TM9SF2: variants seen among roughly 807,000 people sequenced by gnomAD.
TM9SF2 encodes the protein transmembrane 9 superfamily member 2, also known as 76 kDa membrane protein.
A neutral mutation model predicts 84.9 loss-of-function variants in TM9SF2; 13 were observed. The ratio of observed to expected loss-of-function variants is 0.15; its 90% confidence interval spans 0.10 to 0.24. The LOEUF (loss-of-function observed/expected upper bound fraction) is 0.24, where lower values mean the gene tolerates loss of function less well. TM9SF2 is among the 10% of genes least tolerant of loss of function. The pLI is 1.00. For missense variants in TM9SF2, 562 were observed against 818.5 expected (o/e 0.69, Z 3.82); for synonymous variants, 273 against 285.8 (o/e 0.96, Z 0.45).
chr13:99,512,662 T>C, intron 1 of TM9SF2, among the ~76,000 whole-genome samples: 1 of 152,250 alleles, frequency 6.6e-6, no homozygotes, highest in East Asian at 1.9e-4. Flanking sequence ...AAAGAAGTTT[T>C]CCTGGTCTCT....
In TM9SF2 at chr13:99,501,891, G is replaced by T. The variant is rs2046067797; in HGVS notation, c.171+114G>T. ...GGAAGGGGGCGTAGCAGCGGGTGGG[G>T]TTGAGTTTCCCCAGAAGCTTTTGGG... On this transcript the variant is annotated intron_variant, in intron 1 of 16. Transcript: ENST00000376387. 2.1e-6 allele frequency: 3 copies of T among 1,428,342 alleles called. No homozygotes were observed. In the Admixed American group the frequency reaches 8.0e-5, roughly 38 times the overall value. 88.5% of individuals were successfully genotyped at this position (1,428,342 alleles called of 1,614,324 possible).
Position 99,552,729 on chromosome 13 carries a change from G to A in TM9SF2, c.1488+403G>A, listed in dbSNP as rs544633275. On this transcript the variant is annotated intron_variant, in intron 13 of 16. Transcript: ENST00000376387. The stretch of plus-strand genomic sequence containing the variant: ...AGCGATTTTCCTGCCTCAGCCTCCC[G>A]AGTAGCTGGGATTACAGGCATGTGC... Among the ~76,000 whole-genome samples, 65 of 152,214 alleles carry A rather than the reference G, an allele frequency of 4.3e-4. 2 individuals carry two copies. The highest frequency in any genetic ancestry group is 3.4e-3 in the Middle Eastern group (1 of 294).
chr13:99,555,470 GATTGTGTTATGT>G (rs1320327630), intron 14 of TM9SF2, 54 bp from the exon 15 acceptor site: 3 of 1,200,592 alleles, frequency 2.5e-6, no homozygotes, highest in Non-Finnish European at 3.6e-6. Context: ...AGAATGAAAA[GATTGTGTTATGT>G]ATTGTGTCAA....
chr13:99,531,398 C>A (rs900368647), intron 4 of TM9SF2, among the ~76,000 whole-genome samples: 1 of 152,128 alleles, frequency 6.6e-6, no homozygotes, highest in South Asian at 2.1e-4. Flanking sequence ...TTTGCTCACG[C>A]CAATAAGGTT....
At chr13:99,536,873 C>A in intron 5 of TM9SF2, 136 bp downstream of exon 5, 1 of 891,478 alleles carries the variant, frequency 1.1e-6, no homozygotes, top group Non-Finnish European at 1.6e-6. Context: ...CTACTTCAAT[C>A]TTAAACTTAC....
At position 99,562,812 on chromosome 13, in the gene TM9SF2, A is replaced by G; in HGVS notation, c.*54A>G. 1 of 1,561,364 alleles carries G rather than the reference A, an allele frequency of 6.4e-7. No homozygotes were observed. Among genetic ancestry groups the G allele is most frequent in the Non-Finnish European group, 8.8e-7 (1 of 1,141,346 alleles). ...AAATAAATTAAACTCTTCATCAACAAAGACCTGTTTTTGTGACTGCCTTGA... is the reference window on the plus strand; with the variant it reads ...AAATAAATTAAACTCTTCATCAACAGAGACCTGTTTTTGTGACTGCCTTGA... On this transcript the variant is annotated 3_prime_UTR_variant, in exon 17 of 17. Transcript: ENST00000376387.
At chr13:99,510,174 G>A (rs927569692) in intron 1 of TM9SF2, among the ~76,000 whole-genome samples, 5 of 152,102 alleles carry the variant, frequency 3.3e-5, no homozygotes, top group African/African-American at 4.8e-5. Flanking sequence ...TTCCATCTCA[G>A]ACCTCAGCAG....
At chr13:99,527,125 GA>G (rs2046186953) in intron 3 of TM9SF2, among the ~76,000 whole-genome samples, 1 of 152,104 alleles carries the variant, frequency 6.6e-6, no homozygotes, top group Non-Finnish European at 1.5e-5. Context: ...GTTGAGGGGG[GA>G]TACATTTTGG....
chr13:99,546,863 C>G, intron 10 of TM9SF2, 122 bp from the exon 11 acceptor site: 2 of 1,324,100 alleles, frequency 1.5e-6, no homozygotes, highest in East Asian at 5.2e-5. Context: ...GGTAGGAGAG[C>G]ACATGGTTTT....
intron 4 of TM9SF2, among the ~76,000 whole-genome samples, chr13:99,535,997 C>T (rs1198248103): frequency 1.3e-5 from 2 of 152,046 alleles, no homozygotes; most frequent in Admixed American, 1.3e-4. Flanking sequence ...TTTTGTATAG[C>T]TTTCACTTTT....
intron 1 of TM9SF2, among the ~76,000 whole-genome samples, chr13:99,511,119 T>G (rs1467523707): frequency 6.6e-6 from 1 of 152,222 alleles, no homozygotes; most frequent in Non-Finnish European, 1.5e-5. Flanking sequence ...TGCTTTACAG[T>G]GAGACTAAGG....
intron 11 of TM9SF2, among the ~76,000 whole-genome samples, chr13:99,548,004 T>C (rs2046290759): frequency 6.6e-6 from 1 of 152,214 alleles, no homozygotes; most frequent in Non-Finnish European, 1.5e-5. Flanking sequence ...TTCTGTGAAT[T>C]TTGTCAAGTT....
intron 2 of TM9SF2, among the ~76,000 whole-genome samples, chr13:99,518,787 A>G (rs1464092571): frequency 4.2e-5 from 3 of 71,406 alleles, no homozygotes; most frequent in Admixed American, 1.5e-4. Context: ...TTTTTTTTTT[A>G]ATTTTTTGTG....
At position 99,563,655 on chromosome 13, in the gene TM9SF2, A is replaced by G. The variant is rs972592537; in HGVS notation, c.*897A>G. ...CAAGTACTTAAGGTGGAGCCTTACT[A>G]CATTGTCATTAAGGAGTTTCTATTT... is the stretch of plus-strand genomic sequence containing the variant. On this transcript the variant is annotated 3_prime_UTR_variant, in exon 17 of 17. Coordinates refer to ENST00000376387, the MANE Select transcript of TM9SF2 (RefSeq NM_004800.3). 2.6e-5 allele frequency: 4 copies of G among 152,256 alleles called. No individual in the cohort carries two copies. Among genetic ancestry groups the G allele is most frequent in the African/African-American group, 9.6e-5 (4 of 41,466 alleles). 9.4% of individuals were successfully genotyped at this position (152,256 alleles called of 1,614,324 possible).
chr13:99,509,352 A>G lies in TM9SF2; in HGVS notation c.171+7575A>G, dbSNP rs570322528. 3.9e-5 allele frequency among the ~76,000 whole-genome samples: 6 copies of G among 152,142 alleles called. No homozygotes were observed. In the East Asian group the frequency reaches 9.7e-4, roughly 24 times the overall value. The stretch of plus-strand genomic sequence containing the variant: ...CGGGGACTCTGAATGGGGCTCCAAC[A>G]CCACATTTCCCCTCCACACTGCCCT... On this transcript the variant is annotated intron_variant, in intron 1 of 16. Transcript: ENST00000376387.
intron 2 of TM9SF2, among the ~76,000 whole-genome samples, chr13:99,518,145 TG>T (rs1460006331): frequency 6.6e-6 from 1 of 152,260 alleles, no homozygotes; most frequent in Non-Finnish European, 1.5e-5. Flanking sequence ...AGAGTCTCAC[TG>T]TATTGCCCAG....
At chr13:99,508,441 A>ACACACC (rs893789204) in intron 1 of TM9SF2, among the ~76,000 whole-genome samples, 3 of 148,930 alleles carry the variant, frequency 2.0e-5, no homozygotes, top group South Asian at 2.1e-4. Flanking sequence ...ACACACACAC[A>ACACACC]CACCCCAGAG....
chr13:99,531,664 G>A (rs1330193940), intron 4 of TM9SF2, among the ~76,000 whole-genome samples: 1 of 152,102 alleles, frequency 6.6e-6, no homozygotes, highest in Non-Finnish European at 1.5e-5. Context: ...TGGAAGGAGG[G>A]AGATGGTGCT....
intron 12 of TM9SF2, among the ~76,000 whole-genome samples, chr13:99,551,788 A>T (rs2046306455): frequency 6.6e-6 from 1 of 152,256 alleles, no homozygotes; most frequent in Admixed American, 6.5e-5. Flanking sequence ...CATGCAGGTC[A>T]AATGAAAACC....
Sources: allele counts gnomAD v4.1 joint callset (sites outside exome capture counted in the v4.1 genomes callset), GRCh38; gene constraint gnomAD v4.1.1; transcripts MANE v1.5; gene names NCBI Gene and HGNC (gene_info 2026-07-23, HGNC 2026-07-21).